The following PIP4K2A variants were observed in gnomAD, a reference collection of about 807,000 sequenced individuals.
PIP4K2A encodes phosphatidylinositol 5-phosphate 4-kinase type-2 alpha.
Under a neutral mutation model 42.9 loss-of-function variants are expected in PIP4K2A, and 14 were observed. The ratio of observed to expected loss-of-function variants is 0.33; its 90% CI spans 0.22 to 0.51. The LOEUF (loss-of-function observed/expected upper bound fraction) is 0.51, where lower values mean the gene tolerates loss of function less well. Among genes scored for constraint, PIP4K2A ranks in the 20% least tolerant of loss-of-function variants. The pLI is 0.97. For missense variants in PIP4K2A, 434 were observed against 519.8 expected (o/e 0.83, Z 1.61); for synonymous variants, 192 against 192.2 (o/e 1.00, Z 0.01).
intron 3 of PIP4K2A, among the ~76,000 whole-genome samples, chr10:22,601,666 G>C (rs976980929): frequency 3.3e-5 from 5 of 152,182 alleles, no homozygotes; most frequent in African/African-American, 1.2e-4. Flanking sequence ...GTTGGACCAA[G>C]GAGGAGTCCC....
chr10:22,542,205 G>A (rs1836139373), intron 7 of PIP4K2A, among the ~76,000 whole-genome samples, 158 bp from the exon 8 acceptor site: 1 of 152,018 alleles, frequency 6.6e-6, no homozygotes, highest in South Asian at 2.1e-4. Flanking sequence ...CTCCTGGGCT[G>A]TTTCTCTATC....
chr10:22,537,140 C>T lies in PIP4K2A; in HGVS notation c.*61G>A, dbSNP rs77536949. 2.3e-6 allele frequency: 3 copies of T among 1,315,386 alleles called. No homozygotes were observed. Among genetic ancestry groups the T allele is most frequent in the East Asian group, 5.0e-5 (2 of 40,338 alleles). 81.5% of individuals were successfully genotyped at this position (1,315,386 alleles called of 1,614,324 possible). The stretch of plus-strand genomic sequence containing the variant: ...TTCACTGAGTTTGGTTTTCATTTTT[C>T]CTACACCGAAGCCACCTCTGTCCAT... On this transcript the variant is annotated 3_prime_UTR_variant, in exon 10 of 10. Coordinates refer to ENST00000376573, the MANE Select transcript of PIP4K2A (RefSeq NM_005028.5).
intron 1 of PIP4K2A, among the ~76,000 whole-genome samples, chr10:22,702,475 T>G (rs1833732889): frequency 6.6e-6 from 1 of 152,238 alleles, no homozygotes; most frequent in Non-Finnish European, 1.5e-5. Context: ...GCAGTTCACT[T>G]GGCGGCCCTT....
intron 8 of PIP4K2A, 57 bp downstream of exon 8, chr10:22,541,747 C>T (rs1836119485): frequency 2.0e-5 from 30 of 1,490,640 alleles, no homozygotes; most frequent in African/African-American, 4.2e-5. Flanking sequence ...TGGTAGATAA[C>T]AAGGCCAAAG....
chr10:22,550,923 G>A, intron 6 of PIP4K2A, 151 bp from the exon 7 acceptor site: 1 of 618,844 alleles, frequency 1.6e-6, no homozygotes, highest in Non-Finnish European at 2.9e-6. Flanking sequence ...CAATAAAATA[G>A]GAGAAGGCTT....
At chr10:22,688,567 C>A (rs1160299297) in intron 1 of PIP4K2A, among the ~76,000 whole-genome samples, 1 of 152,190 alleles carries the variant, frequency 6.6e-6, no homozygotes, top group African/African-American at 2.4e-5. Context: ...ATCCTCCCAC[C>A]TCAGCCTCCC....
chr10:22,574,465 G>A (rs1242521109), intron 4 of PIP4K2A, among the ~76,000 whole-genome samples: 1 of 120,324 alleles, frequency 8.3e-6, no homozygotes, highest in African/African-American at 3.0e-5. Context: ...TTTTTACAAT[G>A]AGCATTTTAT....
At chr10:22,649,497 C>G (rs1323886205) in intron 1 of PIP4K2A, among the ~76,000 whole-genome samples, 6 of 152,148 alleles carry the variant, frequency 3.9e-5, no homozygotes, top group Non-Finnish European at 7.3e-5. Context: ...AAGTTGCACC[C>G]GGCACAGTGC....
chr10:22,598,071 T>C (rs1057177845), intron 3 of PIP4K2A, among the ~76,000 whole-genome samples: 1 of 152,132 alleles, frequency 6.6e-6, no homozygotes. Flanking sequence ...AAATTCAAAA[T>C]TGGGGGCTGG....
At chr10:22,623,156 C>A (rs1838366311) in intron 1 of PIP4K2A, among the ~76,000 whole-genome samples, 1 of 151,764 alleles carries the variant, frequency 6.6e-6, no homozygotes, top group African/African-American at 2.4e-5. Context: ...TAATGTGCTA[C>A]CATTGACTTT....
intron 7 of PIP4K2A, among the ~76,000 whole-genome samples, chr10:22,543,645 T>C (rs1383150285): frequency 2.0e-5 from 3 of 152,208 alleles, no homozygotes; most frequent in Non-Finnish European, 4.4e-5. Flanking sequence ...AGTCAGAGAC[T>C]GCGCATCCTC....
intron 6 of PIP4K2A, among the ~76,000 whole-genome samples, chr10:22,554,825 T>C (rs985672632): frequency 6.6e-6 from 1 of 152,236 alleles, no homozygotes; most frequent in African/African-American, 2.4e-5. Flanking sequence ...TCTGTGCGTC[T>C]AGTCCTGAGC....
intron 2 of PIP4K2A, 65 bp downstream of exon 2, chr10:22,609,555 A>G: frequency 1.1e-6 from 1 of 900,762 alleles, no homozygotes; most frequent in South Asian, 1.4e-5. Flanking sequence ...GTGATTACAA[A>G]AATTCACAAA....
chr10:22,664,916 C>G (rs897708259), intron 1 of PIP4K2A, among the ~76,000 whole-genome samples: 1 of 151,958 alleles, frequency 6.6e-6, no homozygotes, highest in Non-Finnish European at 1.5e-5. Flanking sequence ...GTCCCCCACT[C>G]CATGAAAAGT....
At chr10:22,682,647 G>A (rs1839685826) in intron 1 of PIP4K2A, among the ~76,000 whole-genome samples, 1 of 152,192 alleles carries the variant, frequency 6.6e-6, no homozygotes, top group Non-Finnish European at 1.5e-5. Context: ...GGAACCCGCT[G>A]ACAAGCACAT....
In PIP4K2A at chr10:22,600,424, C is replaced by T. The variant is rs117884537; in HGVS notation, c.339+7503G>A. ...TTTAGAGACCTGACAGCTGGGGGGC[C>T]GGAGAGAGCACTGTGTCCCTCTCCT... On this transcript the variant is annotated intron_variant, in intron 3 of 9. Coordinates refer to ENST00000376573, the MANE Select transcript of PIP4K2A (RefSeq NM_005028.5). Among the ~76,000 whole-genome samples the T allele has an allele frequency of 1.4e-4, 22 of 152,078 alleles. No homozygotes were observed. The East Asian group carries it at 4.3e-3, about 29-fold the overall frequency.
chr10:22,562,079 C>T (rs1836719964), intron 6 of PIP4K2A, among the ~76,000 whole-genome samples: 1 of 152,104 alleles, frequency 6.6e-6, no homozygotes, highest in African/African-American at 2.4e-5. Context: ...GCATTTTCCC[C>T]CCCGATGTCT....
intron 2 of PIP4K2A, among the ~76,000 whole-genome samples, chr10:22,609,334 A>T (rs1430435275): frequency 6.6e-6 from 1 of 152,252 alleles, no homozygotes; most frequent in Non-Finnish European, 1.5e-5. Context: ...AACTGCTCAA[A>T]AATCCAAGCA....
At chr10:22,561,818 GCCTC>G (rs1486082259) in intron 6 of PIP4K2A, among the ~76,000 whole-genome samples, 1 of 151,924 alleles carries the variant, frequency 6.6e-6, no homozygotes, top group African/African-American at 2.4e-5. Context: ...TGTAGCCTCA[GCCTC>G]CCTAAAGTGC....
Sources: allele counts gnomAD v4.1 joint callset (sites outside exome capture counted in the v4.1 genomes callset), GRCh38; gene constraint gnomAD v4.1.1; transcripts MANE v1.5; gene names NCBI Gene and HGNC (gene_info 2026-07-23, HGNC 2026-07-21).